TAF1B: variants seen among roughly 807,000 people sequenced by gnomAD.
TAF1B encodes TATA box-binding protein-associated factor RNA polymerase I subunit B.
In TAF1B, 61 loss-of-function variants were observed where a neutral mutation model predicts 83.9. The ratio of observed to expected loss-of-function variants is 0.73; its 90% confidence interval spans 0.59 to 0.90. TAF1B has a LOEUF of 0.90. TAF1B is among the 40% of genes least tolerant of loss of function. The pLI is 0.00. For synonymous variants in TAF1B, 221 were observed against 224.6 expected (o/e 0.98, Z 0.14); for missense variants, 625 against 677.0 (o/e 0.92, Z 0.85).
intron 5 of TAF1B, among the ~76,000 whole-genome samples, chr2:9,864,439 A>G (rs1663893992): frequency 6.6e-6 from 1 of 152,218 alleles, no homozygotes; most frequent in African/African-American, 2.4e-5. Flanking sequence ...AAATTGAGGC[A>G]ATAATTAATA....
At chr2:9,872,709 C>T (rs919858332) in intron 6 of TAF1B, among the ~76,000 whole-genome samples, 2 of 152,150 alleles carry the variant, frequency 1.3e-5, no homozygotes, top group Non-Finnish European at 2.9e-5. Flanking sequence ...ACTGGAAGTC[C>T]TTACATATTA....
chr2:9,851,954 T>G lies in TAF1B; in HGVS notation c.303+316T>G, dbSNP rs373246439. The G allele has an allele frequency of 2.7e-4, 138 of 508,438 alleles. 1 individual carries two copies. Among genetic ancestry groups the G allele is most frequent in the African/African-American group, 2.4e-3 (125 of 51,654 alleles). 31.5% of individuals were successfully genotyped at this position (508,438 alleles called of 1,614,324 possible). ...AGTACCTTTTGTGTGTTAATGTGCT[T>G]GTTTAATTTCCAGGGAATGTCCTGT... On this transcript the variant is annotated intron_variant, in intron 4 of 14. Coordinates refer to ENST00000263663, the MANE Select transcript of TAF1B (RefSeq NM_005680.3).
chr2:9,880,092 G>A (rs1664451828), intron 7 of TAF1B, among the ~76,000 whole-genome samples: 1 of 152,170 alleles, frequency 6.6e-6, no homozygotes. Context: ...TGGTGGCTTG[G>A]ATTATGGCAG....
At chr2:9,860,811 A>G in intron 5 of TAF1B, among the ~76,000 whole-genome samples, 1 of 152,234 alleles carries the variant, frequency 6.6e-6, no homozygotes, top group Admixed American at 6.5e-5. Flanking sequence ...AGTGGGATCA[A>G]AACCTTGATT....
chr2:9,870,061 GAAT>G (rs970375699), intron 6 of TAF1B, among the ~76,000 whole-genome samples: 2 of 151,756 alleles, frequency 1.3e-5, no homozygotes, highest in Non-Finnish European at 1.5e-5. Context: ...GTAAAAATTT[GAAT>G]TATTTCTTCA....
chr2:9,865,491 A>G (rs1288636136), intron 5 of TAF1B, among the ~76,000 whole-genome samples: 1 of 152,084 alleles, frequency 6.6e-6, no homozygotes, highest in African/African-American at 2.4e-5. Context: ...GGAAGAATCA[A>G]TATCGTGAAA....
chr2:9,902,573 A>G (rs1665213953), intron 8 of TAF1B, among the ~76,000 whole-genome samples: 1 of 152,198 alleles, frequency 6.6e-6, no homozygotes. Context: ...TACATGTAGC[A>G]CATTCACTTA....
chr2:9,843,630 C>T, intron 1 of TAF1B, 71 bp downstream of exon 1: 1 of 1,402,954 alleles, frequency 7.1e-7, no homozygotes. Flanking sequence ...GGAGGAGCGG[C>T]GGAGGACGCC....
chr2:9,864,656 A>G (rs2125143917), intron 5 of TAF1B, among the ~76,000 whole-genome samples: 1 of 152,344 alleles, frequency 6.6e-6, no homozygotes, highest in East Asian at 1.9e-4. Context: ...TTTTAGATCA[A>G]TATCCTTGAT....
intron 7 of TAF1B, among the ~76,000 whole-genome samples, chr2:9,878,795 C>A (rs938381829): frequency 6.6e-5 from 10 of 152,328 alleles, no homozygotes; most frequent in Admixed American, 3.9e-4. Flanking sequence ...CAAACACATA[C>A]ATATGGTTGG....
chr2:9,898,250 A>G lies in TAF1B; in HGVS notation c.808-6609A>G, dbSNP rs374310086. ...GTTTAAACTGCAGATTCTTAGACCC[A>G]GTGTCAGAAATTGATTCAGTTAAGT... On this transcript the variant is annotated intron_variant, in intron 8 of 14. Transcript: ENST00000263663. Among the ~76,000 whole-genome samples, 9 of 152,206 alleles carry G rather than the reference A, an allele frequency of 5.9e-5. No individual in the cohort carries two copies. The East Asian group carries it at 1.2e-3, about 19-fold the overall frequency.
In TAF1B at chr2:9,933,937, A is replaced by C. The variant is rs767401014; in HGVS notation, c.1720A>C (p.Ser574Arg). Residue 574 changes from serine (S) to arginine (R), a missense_variant, in exon 15 of 15, where the codon AGT (serine) becomes CGT (arginine). Coordinates refer to ENST00000263663, the MANE Select transcript of TAF1B (RefSeq NM_005680.3). ...VEKKLFEKKYSVKRKKSRSKK... is the reference protein window; with the variant it reads ...VEKKLFEKKYRVKRKKSRSKK... ...GAAGAAACTTTTTGAGAAAAAATAC[A>C]GTGTAAAAAGAAAGAAATCAAGATC... 7 of 1,610,638 alleles carry C rather than the reference A, an allele frequency of 4.3e-6. No homozygotes were observed. The highest frequency in any genetic ancestry group is 5.1e-6 in the Non-Finnish European group (6 of 1,178,960).
intron 5 of TAF1B, among the ~76,000 whole-genome samples, chr2:9,860,931 G>T (rs367564460): frequency 6.6e-6 from 1 of 152,190 alleles, no homozygotes; most frequent in East Asian, 1.9e-4. Flanking sequence ...GGTTGCTGGG[G>T]TCAAGGGAGA....
chr2:9,922,555 T>C (rs1445865235), intron 14 of TAF1B, among the ~76,000 whole-genome samples: 1 of 152,068 alleles, frequency 6.6e-6, no homozygotes. Context: ...CACCAATCAT[T>C]CCCCCAACAC....
In TAF1B at chr2:9,868,494, C is replaced by T; in HGVS notation, c.553+65C>T. The T allele has an allele frequency of 1.9e-6, 3 of 1,560,338 alleles. No homozygotes were observed. In the East Asian group the frequency reaches 6.8e-5, roughly 35 times the overall value. On this transcript the variant is annotated intron_variant, in intron 6 of 14. Transcript: ENST00000263663. Reference sequence around the variant, plus strand: ...TTATGCCCCTTAAAAATAATTTAGTCTAATCTTCTGATAATCCAAGGAAAG... The same window carrying T: ...TTATGCCCCTTAAAAATAATTTAGTTTAATCTTCTGATAATCCAAGGAAAG...
At chr2:9,907,373 T>C (rs959461924) in intron 9 of TAF1B, among the ~76,000 whole-genome samples, 2 of 152,128 alleles carry the variant, frequency 1.3e-5, no homozygotes, top group Non-Finnish European at 2.9e-5. Flanking sequence ...TGCCGTCAGT[T>C]GTGCAGTGCC....
intron 7 of TAF1B, among the ~76,000 whole-genome samples, chr2:9,880,148 G>A (rs746633711): frequency 1.3e-4 from 20 of 152,150 alleles, no homozygotes; most frequent in African/African-American, 2.4e-4. Context: ...AGGTAGACAC[G>A]ACTTAATTCT....
intron 8 of TAF1B, among the ~76,000 whole-genome samples, chr2:9,902,639 C>A (rs1372248705): frequency 6.6e-6 from 1 of 152,136 alleles, no homozygotes; most frequent in African/African-American, 2.4e-5. Flanking sequence ...ATTCTAGATA[C>A]GTAATTTATG....
chr2:9,924,217 C>T (rs1665969907), intron 14 of TAF1B, among the ~76,000 whole-genome samples: 1 of 152,164 alleles, frequency 6.6e-6, no homozygotes, highest in Non-Finnish European at 1.5e-5. Context: ...AAAAAGGCTT[C>T]AGCTGGGCAG....
Sources: gnomAD v4.1 joint callset for allele counts (sites outside exome capture counted in the v4.1 genomes callset) on GRCh38, gnomAD v4.1.1 for gene constraint, MANE v1.5 for transcripts, NCBI Gene and HGNC (gene_info 2026-07-23, HGNC 2026-07-21) for gene names.